EVX2: variants seen among roughly 807,000 people sequenced by gnomAD.
The protein encoded by EVX2 is homeobox even-skipped homolog protein 2.
A neutral mutation model predicts 19.2 loss-of-function variants in EVX2; 10 were observed. The observed-to-expected ratio is 0.52, with a 90% CI of 0.32 to 0.89. EVX2 has a LOEUF of 0.89. Ranked by LOEUF, EVX2 falls within the 40% of genes least tolerant of loss-of-function variation. EVX2 has a pLI of 0.03. For synonymous variants in EVX2, 354 were observed against 328.4 expected (o/e 1.08, Z -0.84); for missense variants, 710 against 694.9 (o/e 1.02, Z -0.24).
chr2:176,080,366 C>A lies in EVX2; in HGVS notation c.1172G>T (p.Ser391Ile). ...CGCCGCCGACTGACTGCTGTGGCAA[C>A]TGAGGCACGAGCAGGGTGCAGAGCC... ...SGGSAPCSCL[S>I]CHSSQSAAAA... Residue 391 changes from serine (S) to isoleucine (I), a missense_variant, in exon 3 of 3, where the codon AGT (serine) becomes ATT (isoleucine). Coordinates refer to ENST00000308618, the MANE Select transcript of EVX2 (RefSeq NM_001080458.2). The surrounding 1 kb of genome is among the most constrained non-coding windows in gnomAD (Gnocchi z 7.0). The A allele has an allele frequency of 1.6e-6, 2 of 1,234,782 alleles. No individual in the cohort carries two copies. Among genetic ancestry groups the A allele is most frequent in the Non-Finnish European group, 1.0e-6 (1 of 973,554 alleles). The allele number at this position is 1,234,782 out of a possible 1,614,324, so 76.5% of individuals were successfully genotyped here. A position where few individuals can be genotyped will look rare whatever the true frequency, so the allele number is the denominator to read the frequency against.
Position 176,082,476 on chromosome 2 carries a change from T to G in EVX2, c.428-27A>C, listed in dbSNP as rs533042128. 20 of 1,520,696 alleles carry G rather than the reference T, an allele frequency of 1.3e-5. No individual in the cohort carries two copies. The East Asian group carries it at 4.2e-4, about 32-fold the overall frequency. The allele number at this position is 1,520,696 out of a possible 1,614,324, so 94.2% of individuals were successfully genotyped here. On this transcript the variant is annotated intron_variant, in intron 1 of 2. Coordinates refer to ENST00000308618, the MANE Select transcript of EVX2 (RefSeq NM_001080458.2). The surrounding 1 kb of genome is among the most constrained non-coding windows in gnomAD (Gnocchi z 5.2). ...TGGCAAACAAACGACCAACAGCGCA[T>G]GAGTGGCTGTAGGACCAACAGCCCG...
rs200426346 is a variant in EVX2, at chr2:176,080,691, G to A, written c.847C>T (p.Pro283Ser). The change falls in exon 3 of 3, where the codon CCG (proline) becomes TCG (serine). Residue 283 changes from proline (P) to serine (S), a missense_variant. Pro to Ser is a moderately conservative substitution (Grantham distance 74). Transcript: ENST00000308618. The surrounding 1 kb of genome is among the most constrained non-coding windows in gnomAD (Gnocchi z 7.0). ...CCCACGTGCGGGTAGTAGTGCAGCG[G>A]CACGTGCGAGTGGAAGGGGTAGGGC... The part of the protein sequence containing the change: ...SLPYPFHSHV[P>S]LHYYPHVGVT... 2.5e-6 allele frequency: 4 copies of A among 1,602,246 alleles called. No homozygotes were observed.
rs528568053 is a variant in EVX2, at chr2:176,077,895, A to G, written c.*2212T>C. 8 of 152,258 alleles carry G rather than the reference A, an allele frequency of 5.3e-5. No individual in the cohort carries two copies. The South Asian group carries it at 1.7e-3, about 32-fold the overall frequency. The allele number at this position is 152,258 out of a possible 1,614,324, so 9.4% of individuals were successfully genotyped here. A position where few individuals can be genotyped will look rare whatever the true frequency, so the allele number is the denominator to read the frequency against. On this transcript the variant is annotated 3_prime_UTR_variant, in exon 3 of 3. Coordinates refer to ENST00000308618, the MANE Select transcript of EVX2 (RefSeq NM_001080458.2). ...TAAAAATGTAAACTCAGTGAATAAGAGCTGGTATAATCAATATTTTACATA... is the reference window on the plus strand; with the variant it reads ...TAAAAATGTAAACTCAGTGAATAAGGGCTGGTATAATCAATATTTTACATA...
In EVX2 at chr2:176,083,265, GA is replaced by G. The variant is rs1689173463; in HGVS notation, c.427+84del. On this transcript the variant is annotated intron_variant, in intron 1 of 2. Transcript: ENST00000308618. The surrounding 1 kb of genome is among the most constrained non-coding windows in gnomAD (Gnocchi z 4.4). ...CTTGCCTGTGGAGGGTCTGAGAGGG[GA>G]AAAGGCACCGGGAAAGGCTGGCGGG... The G allele has an allele frequency of 9.9e-6, 14 of 1,414,788 alleles. No individual in the cohort carries two copies. The highest frequency in any genetic ancestry group is 1.4e-5 in the African/African-American group (1 of 69,854). 87.6% of individuals were successfully genotyped at this position (1,414,788 alleles called of 1,614,324 possible).
At position 176,082,816 on chromosome 2, in the gene EVX2, CG is replaced by C. The variant is rs942039196; in HGVS notation, c.428-368del. The stretch of plus-strand genomic sequence containing the variant: ...GGCCTCTAACCTTTATCTGAGTCTT[CG>C]GGGTTTCAAATATTTTAAGAGTTCC... On this transcript the variant is annotated intron_variant, in intron 1 of 2. Coordinates refer to ENST00000308618, the MANE Select transcript of EVX2 (RefSeq NM_001080458.2). The surrounding 1 kb of genome is among the most constrained non-coding windows in gnomAD (Gnocchi z 5.2). 6.6e-5 allele frequency among the ~76,000 whole-genome samples: 10 copies of C among 152,274 alleles called. No homozygotes were observed. Among genetic ancestry groups the C allele is most frequent in the Admixed American group, 4.6e-4 (7 of 15,298 alleles).
Position 176,080,852 on chromosome 2 carries a change from C to T in EVX2, c.700-14G>A, listed in dbSNP as rs752224496. The T allele has an allele frequency of 1.9e-6, 3 of 1,602,882 alleles. No homozygotes were observed. The highest frequency in any genetic ancestry group is 1.3e-5 in the African/African-American group (1 of 74,642). The stretch of plus-strand genomic sequence containing the variant: ...CTGGAACCACACCTGCGGGGAGAGA[C>T]GCGCCGCAGCCTGGGTTAGGGAGCG... On this transcript the variant is annotated splice_polypyrimidine_tract_variant and intron_variant, in intron 2 of 2. Transcript: ENST00000308618. This position sits in a 1 kb window ranked among gnomAD's most constrained non-coding sequence, Gnocchi z 7.0.
At position 176,080,539 on chromosome 2, in the gene EVX2, C is replaced by G; in HGVS notation, c.999G>C (p.Glu333Asp). 1 of 1,511,844 alleles carries G rather than the reference C, an allele frequency of 6.6e-7. No homozygotes were observed. Among genetic ancestry groups the G allele is most frequent in the Non-Finnish European group, 8.7e-7 (1 of 1,145,612 alleles). 93.7% of individuals were successfully genotyped at this position (1,511,844 alleles called of 1,614,324 possible). ...CAGGGTGGCGGAAGCTACACAGCAG[C>G]TCCGGCCGAGAGTAGGGGTGCGAGA... ...RALSHPYSRPELLCSFRHPGL... is the reference protein window; with the variant it reads ...RALSHPYSRPDLLCSFRHPGL... The change falls in exon 3 of 3, where the codon GAG (glutamate) becomes GAC (aspartate). Residue 333 changes from glutamate to aspartate, a missense_variant. Physicochemically the swap from Glu to Asp is conservative, Grantham distance 45. Coordinates refer to ENST00000308618, the MANE Select transcript of EVX2 (RefSeq NM_001080458.2). The surrounding 1 kb of genome is among the most constrained non-coding windows in gnomAD (Gnocchi z 7.0).
In EVX2 at chr2:176,080,611, C is replaced by T. The variant is rs1442424371; in HGVS notation, c.927G>A (p.Ser309=). The T allele has an allele frequency of 1.3e-6, 2 of 1,526,390 alleles. No homozygotes were observed. The highest frequency in any genetic ancestry group is 4.5e-5 in the Admixed American group (2 of 44,716). The allele number at this position is 1,526,390 out of a possible 1,614,324, so 94.6% of individuals were successfully genotyped here. A position where few individuals can be genotyped will look rare whatever the true frequency, so the allele number is the denominator to read the frequency against. The stretch of plus-strand genomic sequence containing the variant: ...GCCGGATGGAAGTAGCGAAGGGCGA[C>T]GAAGCCGCGGCCGCCGCGCCTGAGG... The part of the protein sequence containing the change: ...AAASGAAAAA[S]SPFATSIRPL... The change falls in exon 3 of 3, where the codon TCG becomes TCA. Residue 309 remains serine (S), a synonymous_variant. Coordinates refer to ENST00000308618, the MANE Select transcript of EVX2 (RefSeq NM_001080458.2). The surrounding 1 kb of genome is among the most constrained non-coding windows in gnomAD (Gnocchi z 7.0).
chr2:176,080,303 C>A lies in EVX2; in HGVS notation c.1235G>T (p.Arg412Leu). Residue 412 changes from arginine (R) to leucine (L), a missense_variant, in exon 3 of 3, where the codon CGG becomes CTG. Coordinates refer to ENST00000308618, the MANE Select transcript of EVX2 (RefSeq NM_001080458.2). The surrounding 1 kb of genome is among the most constrained non-coding windows in gnomAD (Gnocchi z 7.0). ...ACCACCGCCGCCGCCACCGCCACCC[C>A]GGGAACCCAGGGCTGCGGCAGCTGC... ...AAAAAAALGS[R>L]GGGGGGGGGG... 7.6e-7 allele frequency: 1 copy of A among 1,324,490 alleles called. No homozygotes were observed. Among genetic ancestry groups the A allele is most frequent in the Admixed American group, 3.1e-5 (1 of 32,046 alleles). 82.0% of individuals were successfully genotyped at this position (1,324,490 alleles called of 1,614,324 possible). A position where few individuals can be genotyped will look rare whatever the true frequency, so the allele number is the denominator to read the frequency against.
chr2:176,080,990 T>C lies in EVX2; in HGVS notation c.700-152A>G. On this transcript the variant is annotated intron_variant, in intron 2 of 2. Transcript: ENST00000308618. This position sits in a 1 kb window ranked among gnomAD's most constrained non-coding sequence, Gnocchi z 7.0. ...CCCGAGTACCCTGTGGTCTCCCAGC[T>C]GGGAAAGTGTGGACGGCAGTGTGTG... is the stretch of plus-strand genomic sequence containing the variant. 1 of 1,046,080 alleles carries C rather than the reference T, an allele frequency of 9.6e-7. No individual in the cohort carries two copies. The highest frequency in any genetic ancestry group is 3.0e-5 in the Admixed American group (1 of 33,816). 64.8% of individuals were successfully genotyped at this position (1,046,080 alleles called of 1,614,324 possible).
Position 176,082,139 on chromosome 2 carries a change from C to A in EVX2, c.699+39G>T. Reference sequence around the variant, plus strand: ...AAAAGAAACAATCAACCCAGATGCCCCCGGGGAGGCCAGAGCAGGCATGCA... The same window carrying A: ...AAAAGAAACAATCAACCCAGATGCCACCGGGGAGGCCAGAGCAGGCATGCA... On this transcript the variant is annotated intron_variant, in intron 2 of 2. Transcript: ENST00000308618. This position sits in a 1 kb window ranked among gnomAD's most constrained non-coding sequence, Gnocchi z 5.2. The A allele has an allele frequency of 6.6e-7, 1 of 1,507,822 alleles. No homozygotes were observed. Among genetic ancestry groups the A allele is most frequent in the Non-Finnish European group, 8.8e-7 (1 of 1,130,430 alleles). 93.4% of individuals were successfully genotyped at this position (1,507,822 alleles called of 1,614,324 possible).
Position 176,080,079 on chromosome 2 carries a change from G to A in EVX2, c.*28C>T, listed in dbSNP as rs750704285. On this transcript the variant is annotated 3_prime_UTR_variant, in exon 3 of 3. Coordinates refer to ENST00000308618, the MANE Select transcript of EVX2 (RefSeq NM_001080458.2). The surrounding 1 kb of genome is among the most constrained non-coding windows in gnomAD (Gnocchi z 7.0). Reference sequence around the variant, plus strand: ...CTCCCGGGCACACTCAGAGAGGCGGGCGCGGCCCCCTGGCGGTGGCGACGT... The same window carrying A: ...CTCCCGGGCACACTCAGAGAGGCGGACGCGGCCCCCTGGCGGTGGCGACGT... 21 of 1,495,316 alleles carry A rather than the reference G, an allele frequency of 1.4e-5. No individual in the cohort carries two copies. The highest frequency in any genetic ancestry group is 2.3e-4 in the Middle Eastern group (1 of 4,322). 92.6% of individuals were successfully genotyped at this position (1,495,316 alleles called of 1,614,324 possible).
At position 176,079,265 on chromosome 2, in the gene EVX2, A is replaced by T. The variant is rs957993299; in HGVS notation, c.*842T>A. On this transcript the variant is annotated 3_prime_UTR_variant, in exon 3 of 3. Transcript: ENST00000308618. The surrounding 1 kb of genome is among the most constrained non-coding windows in gnomAD (Gnocchi z 4.4). ...TCCTTTCCCTTCCCTGGCCGTGGCAACCTCTTTTGCCATCACTTTTTGCAT... is the reference window on the plus strand; with the variant it reads ...TCCTTTCCCTTCCCTGGCCGTGGCATCCTCTTTTGCCATCACTTTTTGCAT... The T allele has an allele frequency of 6.6e-6, 1 of 152,152 alleles. No homozygotes were observed. The highest frequency in any genetic ancestry group is 2.4e-5 in the African/African-American group (1 of 41,476). The allele number at this position is 152,152 out of a possible 1,614,324, so 9.4% of individuals were successfully genotyped here.
In EVX2 at chr2:176,079,408, T is replaced by C. The variant is rs1689096687; in HGVS notation, c.*699A>G. On this transcript the variant is annotated 3_prime_UTR_variant, in exon 3 of 3. Coordinates refer to ENST00000308618, the MANE Select transcript of EVX2 (RefSeq NM_001080458.2). The surrounding 1 kb of genome is among the most constrained non-coding windows in gnomAD (Gnocchi z 4.4). ...CACCCCTTCCAGCACCTCGGCTTTGTCCTTCCCGGGGAAGGCGGCCACATC... is the reference window on the plus strand; with the variant it reads ...CACCCCTTCCAGCACCTCGGCTTTGCCCTTCCCGGGGAAGGCGGCCACATC... 6.6e-6 allele frequency: 1 copy of C among 152,298 alleles called. No individual in the cohort carries two copies. The highest frequency in any genetic ancestry group is 2.1e-4 in the South Asian group (1 of 4,816). 9.4% of individuals were successfully genotyped at this position (152,298 alleles called of 1,614,324 possible). A position where few individuals can be genotyped will look rare whatever the true frequency, so the allele number is the denominator to read the frequency against.
rs879102698 is a variant in EVX2, at chr2:176,081,637, T to C, written c.699+541A>G. 3.9e-5 allele frequency among the ~76,000 whole-genome samples: 6 copies of C among 152,192 alleles called. No individual in the cohort carries two copies. Among genetic ancestry groups the C allele is most frequent in the Non-Finnish European group, 8.8e-5 (6 of 68,036 alleles). ...AAAATTAATAACCTAAAGTTATATA[T>C]AAATAAGGACAATTTCGTTGCATTT... On this transcript the variant is annotated intron_variant, in intron 2 of 2. Coordinates refer to ENST00000308618, the MANE Select transcript of EVX2 (RefSeq NM_001080458.2). The surrounding 1 kb of genome is among the most constrained non-coding windows in gnomAD (Gnocchi z 5.9).
In EVX2 at chr2:176,078,985, A is replaced by T. The variant is rs989511057; in HGVS notation, c.*1122T>A. The T allele has an allele frequency of 1.3e-5, 2 of 152,302 alleles. No homozygotes were observed. The highest frequency in any genetic ancestry group is 4.8e-5 in the African/African-American group (2 of 41,454). The allele number at this position is 152,302 out of a possible 1,614,324, so 9.4% of individuals were successfully genotyped here. On this transcript the variant is annotated 3_prime_UTR_variant, in exon 3 of 3. Transcript: ENST00000308618. ...GGTGGCTTTGCAGAGGCGAAGGCGC[A>T]ATAGACATGCGTGAGAAATATGCCA...
rs1689176554 is a variant in EVX2 at position 176,083,424 on chromosome 2, A to G, written c.353T>C (p.Val118Ala). The G allele has an allele frequency of 1.2e-6, 2 of 1,613,752 alleles. No individual in the cohort carries two copies. Among genetic ancestry groups the G allele is most frequent in the Non-Finnish European group, 1.7e-6 (2 of 1,179,900 alleles). ...GCGAAGCGCGGAGCAGCCCACCTCC[A>G]CGTCGCTGCTCATGTCGGCCTCAGC... ...AAAEADMSSD[V>A]EVGCSALRSP... The change falls in exon 1 of 3, where the codon GTG becomes GCG. Residue 118 changes from valine to alanine, a missense_variant. Coordinates refer to ENST00000308618, the MANE Select transcript of EVX2 (RefSeq NM_001080458.2). This position sits in a 1 kb window ranked among gnomAD's most constrained non-coding sequence, Gnocchi z 4.4.
In EVX2 at chr2:176,082,788, T is replaced by C. The variant is rs1306528575; in HGVS notation, c.428-339A>G. ...CTGGAGACCGCAGGGCAGCTTTTTA[T>C]ACGGCCTCTAACCTTTATCTGAGTC... is the stretch of plus-strand genomic sequence containing the variant. On this transcript the variant is annotated intron_variant, in intron 1 of 2. Coordinates refer to ENST00000308618, the MANE Select transcript of EVX2 (RefSeq NM_001080458.2). The surrounding 1 kb of genome is among the most constrained non-coding windows in gnomAD (Gnocchi z 5.2). Among the ~76,000 whole-genome samples the C allele has an allele frequency of 6.6e-6, 1 of 152,254 alleles. No individual in the cohort carries two copies. Among genetic ancestry groups the C allele is most frequent in the Non-Finnish European group, 1.5e-5 (1 of 68,048 alleles).
Position 176,083,372 on chromosome 2 carries a change from C to G in EVX2, c.405G>C (p.Gln135His). The G allele has an allele frequency of 6.2e-7, 1 of 1,602,346 alleles. No homozygotes were observed. The highest frequency in any genetic ancestry group is 8.5e-7 in the Non-Finnish European group (1 of 1,173,962). Reference sequence around the variant, plus strand: ...TACCTTTGCCATTGTTTTCCTTAAGCTGAGCGGCGCCGAGGCCCCCGGGGG... The same window carrying G: ...TACCTTTGCCATTGTTTTCCTTAAGGTGAGCGGCGCCGAGGCCCCCGGGGG... ...LRSPGGLGAAQLKENNGKGYA... is the reference protein window; with the variant it reads ...LRSPGGLGAAHLKENNGKGYA... The change falls in exon 1 of 3, where the codon CAG (glutamine) becomes CAC (histidine). Residue 135 changes from glutamine to histidine, a missense_variant. Coordinates refer to ENST00000308618, the MANE Select transcript of EVX2 (RefSeq NM_001080458.2). This position sits in a 1 kb window ranked among gnomAD's most constrained non-coding sequence, Gnocchi z 4.4.
Sources: allele counts gnomAD v4.1 joint callset (sites outside exome capture counted in the v4.1 genomes callset), GRCh38; gene constraint gnomAD v4.1.1; non-coding constraint Gnocchi (gnomAD v3.1); transcripts MANE v1.5; gene names NCBI Gene and HGNC (gene_info 2026-07-23, HGNC 2026-07-21).